DDX10: variants seen among roughly 807,000 people sequenced by gnomAD.
The protein encoded by DDX10 is DEAD-box helicase 10.
DDX10 carries 74 observed loss-of-function variants against 104.3 expected under a neutral mutation model. The ratio of observed to expected loss-of-function variants is 0.71; its 90% CI spans 0.59 to 0.86. The LOEUF is 0.86. Among genes scored for constraint, DDX10 ranks in the 40% least tolerant of loss-of-function variants. The pLI is 0.00. For synonymous variants in DDX10, 351 were observed against 353.4 expected (o/e 0.99, Z 0.08); for missense variants, 952 against 1,040.0 (o/e 0.92, Z 1.16).
At chr11:108,695,212 A>C (rs1055734212) in intron 9 of DDX10, among the ~76,000 whole-genome samples, 3 of 152,220 alleles carry the variant, frequency 2.0e-5, no homozygotes, top group African/African-American at 7.2e-5. Flanking sequence ...GTAGTGTTTA[A>C]GAATTGGAAT....
At chr11:108,711,335 A>T (rs192145522) in intron 10 of DDX10, among the ~76,000 whole-genome samples, 2 of 152,026 alleles carry the variant, frequency 1.3e-5, no homozygotes, top group African/African-American at 4.8e-5. Flanking sequence ...CCTTTCTGCT[A>T]TTTCTATGTT....
At chr11:108,683,151 A>G (rs2094237925) in intron 6 of DDX10, among the ~76,000 whole-genome samples, 1 of 152,144 alleles carries the variant, frequency 6.6e-6, no homozygotes, top group East Asian at 1.9e-4. Context: ...TGAGGTATCT[A>G]CCAGGGCCCC....
intron 8 of DDX10, among the ~76,000 whole-genome samples, chr11:108,692,521 A>T (rs1284942555): frequency 6.6e-6 from 1 of 152,192 alleles, no homozygotes; most frequent in Non-Finnish European, 1.5e-5. Flanking sequence ...ACGGGGATGG[A>T]CGTAACTAGA....
At chr11:108,875,873 C>T (rs778636634) in intron 16 of DDX10, among the ~76,000 whole-genome samples, 4 of 152,146 alleles carry the variant, frequency 2.6e-5, no homozygotes, top group Non-Finnish European at 4.4e-5. Context: ...CGGGAAGTAT[C>T]TGTGGGTTTC....
intron 13 of DDX10, among the ~76,000 whole-genome samples, chr11:108,803,396 C>G (rs1862051876): frequency 6.6e-6 from 1 of 151,786 alleles, no homozygotes; most frequent in Non-Finnish European, 1.5e-5. Flanking sequence ...GAGTTTGAGA[C>G]CAGCCTGACC....
intron 13 of DDX10, among the ~76,000 whole-genome samples, chr11:108,764,481 A>C (rs1486349391): frequency 1.3e-5 from 2 of 152,220 alleles, no homozygotes; most frequent in Non-Finnish European, 2.9e-5. Context: ...CAGCCTGGCC[A>C]ACATGGTGAA....
chr11:108,781,689 G>A (rs975308301), intron 13 of DDX10, among the ~76,000 whole-genome samples: 4 of 152,036 alleles, frequency 2.6e-5, no homozygotes, highest in Non-Finnish European at 4.4e-5. Flanking sequence ...GGTTATCAGA[G>A]GTTCTAAAAA....
intron 13 of DDX10, among the ~76,000 whole-genome samples, chr11:108,790,339 G>A (rs1269397470): frequency 6.6e-6 from 1 of 152,154 alleles, no homozygotes; most frequent in Non-Finnish European, 1.5e-5. Flanking sequence ...ACTACAAAGA[G>A]AATATTTTGG....
At chr11:108,767,194 ATT>A (rs1437246356) in intron 13 of DDX10, 1 of 152,188 alleles carries the variant, frequency 6.6e-6, no homozygotes, top group Non-Finnish European at 1.5e-5. Context: ...TATCTTACTG[ATT>A]ATTGGAAGTC....
intron 13 of DDX10, among the ~76,000 whole-genome samples, chr11:108,741,835 G>C (rs1429613216): frequency 6.6e-6 from 1 of 152,044 alleles, no homozygotes. Context: ...CAAAGAGCTA[G>C]AAAGATCTCA....
chr11:108,714,673 A>G (rs1025739791), intron 10 of DDX10, among the ~76,000 whole-genome samples: 5 of 152,116 alleles, frequency 3.3e-5, no homozygotes, highest in South Asian at 2.1e-4. Flanking sequence ...GGGGTTGTCT[A>G]TCCATTTCAG....
intron 16 of DDX10, among the ~76,000 whole-genome samples, chr11:108,879,648 T>A (rs1473879540): frequency 6.6e-6 from 1 of 152,202 alleles, no homozygotes; most frequent in African/African-American, 2.4e-5. Context: ...CCTGTTCTTA[T>A]TATCAAGTTA....
intron 6 of DDX10, among the ~76,000 whole-genome samples, chr11:108,679,918 T>C (rs770596411): frequency 6.6e-6 from 1 of 152,202 alleles, no homozygotes; most frequent in Non-Finnish European, 1.5e-5. Context: ...TCTCACAACC[T>C]TTAATATTTT....
At chr11:108,733,858 T>G (rs78996303) in intron 13 of DDX10, among the ~76,000 whole-genome samples, 4,721 of 152,158 alleles carry the variant, frequency 0.031, 168 homozygotes, top group African/African-American at 0.09. Flanking sequence ...TTACCTTCCA[T>G]GCTACCCTTA....
chr11:108,918,227 ATTTC>A, intron 17 of DDX10: 1 of 576,118 alleles, frequency 1.7e-6, no homozygotes, highest in Non-Finnish European at 3.0e-6. Flanking sequence ...CTTTTTGATT[ATTTC>A]TATAATCCCT....
chr11:108,777,529 G>A (rs1330884141), intron 13 of DDX10, among the ~76,000 whole-genome samples: 1 of 151,996 alleles, frequency 6.6e-6, no homozygotes, highest in South Asian at 2.1e-4. Context: ...CACCATGTTG[G>A]CCAGGCTGGT....
intron 13 of DDX10, among the ~76,000 whole-genome samples, chr11:108,736,058 ATGT>A (rs1411918029): frequency 6.6e-6 from 1 of 152,110 alleles, no homozygotes; most frequent in Non-Finnish European, 1.5e-5. Context: ...TGAAGGGTTA[ATGT>A]TGTAATTTTG....
rs556838054 is a variant in DDX10, at chr11:108,686,168, C to G, written c.849-2768C>G. Reference sequence around the variant, plus strand: ...GAGATTTGCCACATACCTGCTGTCCCCATGCAGCCTCTGCCATTATCAACA... The same window carrying G: ...GAGATTTGCCACATACCTGCTGTCCGCATGCAGCCTCTGCCATTATCAACA... On this transcript the variant is annotated intron_variant, in intron 6 of 17. Coordinates refer to ENST00000322536, the MANE Select transcript of DDX10 (RefSeq NM_004398.4). Among the ~76,000 whole-genome samples the G allele has an allele frequency of 7.9e-5, 12 of 152,254 alleles. No homozygotes were observed. In the South Asian group the frequency reaches 1.2e-3, roughly 16 times the overall value.
intron 16 of DDX10, among the ~76,000 whole-genome samples, chr11:108,894,153 AAAG>A (rs1402961444): frequency 6.6e-6 from 1 of 152,062 alleles, no homozygotes; most frequent in African/African-American, 2.4e-5. Context: ...CTTGATTAAA[AAAG>A]AAAGGTGAGA....
Sources: gnomAD v4.1 joint callset for allele counts (sites outside exome capture counted in the v4.1 genomes callset) on GRCh38, gnomAD v4.1.1 for gene constraint, MANE v1.5 for transcripts, NCBI Gene and HGNC (gene_info 2026-07-23, HGNC 2026-07-21) for gene names.